The following ABCC4 variants were observed in gnomAD, a reference collection of about 807,000 sequenced individuals.
ABCC4 encodes ATP binding cassette subfamily C member 4 (PEL blood group), also known as ATP-binding cassette sub-family C member 4.
Under a neutral mutation model 168.5 loss-of-function variants are expected in ABCC4, and 102 were observed. The observed-to-expected ratio is 0.61, with a 90% CI of 0.52 to 0.71. The LOEUF (loss-of-function observed/expected upper bound fraction) is 0.71. Ranked by LOEUF, ABCC4 falls within the 30% of genes least tolerant of loss-of-function variation. ABCC4 has a pLI of 0.00. For missense variants in ABCC4, 1,402 were observed against 1,605.8 expected (o/e 0.87, Z 2.17); for synonymous variants, 617 against 590.7 (o/e 1.04, Z -0.65).
intron 25 of ABCC4, among the ~76,000 whole-genome samples, chr13:95,068,228 A>T (rs556892630): frequency 6.6e-6 from 1 of 152,318 alleles, no homozygotes; most frequent in Admixed American, 6.5e-5. Context: ...GAGGAGACGA[A>T]CCCTGAATAT....
intron 21 of ABCC4, among the ~76,000 whole-genome samples, chr13:95,081,244 A>G (rs574889866): frequency 6.6e-6 from 1 of 152,258 alleles, no homozygotes; most frequent in Admixed American, 6.5e-5. Flanking sequence ...ACTGCTTCCC[A>G]AAAAGCCTTC....
chr13:95,168,616 T>G (rs761129608), intron 14 of ABCC4, among the ~76,000 whole-genome samples: 1 of 152,212 alleles, frequency 6.6e-6, no homozygotes, highest in Admixed American at 6.5e-5. Flanking sequence ...ATTAAGAAAT[T>G]GCAGGAGGAG....
intron 11 of ABCC4, among the ~76,000 whole-genome samples, 157 bp downstream of exon 11, chr13:95,186,544 C>CGT: frequency 6.6e-6 from 1 of 152,130 alleles, no homozygotes; most frequent in South Asian, 2.1e-4. Flanking sequence ...AAGGACAGAG[C>CGT]GTGTGTGTGT....
At chr13:95,099,022 T>C (rs1294066931) in intron 20 of ABCC4, among the ~76,000 whole-genome samples, 1 of 152,202 alleles carries the variant, frequency 6.6e-6, no homozygotes, top group Non-Finnish European at 1.5e-5. Context: ...TCCACTCCTA[T>C]GCATTTTATC....
chr13:95,141,948 GT>G (rs2036332807), intron 19 of ABCC4, among the ~76,000 whole-genome samples: 1 of 152,150 alleles, frequency 6.6e-6, no homozygotes, highest in African/African-American at 2.4e-5. Flanking sequence ...CTGGAAACTG[GT>G]TTTCCCTGAA....
intron 18 of ABCC4, chr13:95,161,736 A>T (rs1389806836): frequency 1.3e-5 from 2 of 152,944 alleles, no homozygotes; most frequent in East Asian, 1.9e-4. Flanking sequence ...AACATGTGAT[A>T]TTAACAAGGA....
chr13:95,038,556 C>G (rs572051568), intron 29 of ABCC4, among the ~76,000 whole-genome samples: 9 of 151,790 alleles, frequency 5.9e-5, no homozygotes, highest in African/African-American at 2.2e-4. Context: ...GACTTAGACA[C>G]GTAGAAATGG....
intron 11 of ABCC4, among the ~76,000 whole-genome samples, chr13:95,185,461 G>T (rs1238142621): frequency 6.6e-6 from 1 of 152,136 alleles, no homozygotes; most frequent in Non-Finnish European, 1.5e-5. Context: ...TATCCAAATC[G>T]CCAGCAAATA....
In ABCC4 at chr13:95,225,147, TCTCTCTCACACACA is replaced by T. The variant is rs1399360319; in HGVS notation, c.531+9449_531+9462del. ...CTGTCTGTCTGTCTGTCTGTCTCTC[TCTCTCTCACACACA>T]CACACACACACACACACACACACAC... On this transcript the variant is annotated intron_variant, in intron 4 of 30. Coordinates refer to ENST00000645237, the MANE Select transcript of ABCC4 (RefSeq NM_005845.5). 4.9e-3 allele frequency among the ~76,000 whole-genome samples: 497 copies of T among 100,786 alleles called. 12 individuals carry two copies. The highest frequency in any genetic ancestry group is 9.7e-3 in the African/African-American group (257 of 26,600). The allele number at this position is 100,786 out of a possible 152,430, so 66.1% of individuals were successfully genotyped here. A position where few individuals can be genotyped will look rare whatever the true frequency, so the allele number is the denominator to read the frequency against.
chr13:95,187,423 G>A (rs953746155), intron 10 of ABCC4, among the ~76,000 whole-genome samples: 1 of 151,880 alleles, frequency 6.6e-6, no homozygotes, highest in African/African-American at 2.4e-5. Context: ...TGGCCAACAT[G>A]GTGAAACCCC....
rs1197443446 is a variant in ABCC4 at position 95,164,505 on chromosome 13, G to A, written c.2048C>T (p.Pro683Leu). The change falls in exon 16 of 31, where the codon CCA becomes CTA. Residue 683 changes from proline to leucine, a missense_variant. By Grantham distance (98) the Pro-to-Leu change is moderately conservative. This residue lies in a region of ABCC4 where 1,007 missense variants were observed against 1,127.3 expected (regional missense o/e 0.89). Transcript: ENST00000645237. ...ACGGTTCTCCTCTGATAGTGTAACT[G>A]GGACATTCTCTGTCTGCAGAGGAAA... ...ALESQDTENV[P>L]VTLSEENRSE... 6.2e-7 allele frequency: 1 copy of A among 1,614,086 alleles called. No homozygotes were observed.
In ABCC4 at chr13:95,281,299, CAAAAAAAA is replaced by C. The variant is rs10541756; in HGVS notation, c.74+19934_74+19941del. ...CACTCCTGGGCGACAGAGACTCTCTCAAAAAAAAAAAAAAAAAAAAAAAAAGAGAGAGA... is the reference window on the plus strand; with the variant it reads ...CACTCCTGGGCGACAGAGACTCTCTCAAAAAAAAAAAAAAAAAGAGAGAGA... On this transcript the variant is annotated intron_variant, in intron 1 of 30. Transcript: ENST00000645237. 3.9e-4 allele frequency among the ~76,000 whole-genome samples: 19 copies of C among 48,730 alleles called. No homozygotes were observed. In the East Asian group the frequency reaches 6.4e-3, roughly 16 times the overall value. The allele number at this position is 48,730 out of a possible 152,430, so 32.0% of individuals were successfully genotyped here. A position where few individuals can be genotyped will look rare whatever the true frequency, so the allele number is the denominator to read the frequency against.
chr13:95,287,458 G>C (rs1335173143), intron 1 of ABCC4, among the ~76,000 whole-genome samples: 1 of 151,350 alleles, frequency 6.6e-6, no homozygotes, highest in African/African-American at 2.4e-5. Context: ...ATGGTGGCAG[G>C]CACCTGTAAT....
chr13:95,107,038 C>T (rs2035031302), intron 20 of ABCC4, among the ~76,000 whole-genome samples: 4 of 152,046 alleles, frequency 2.6e-5, no homozygotes, highest in Admixed American at 2.6e-4. Flanking sequence ...GGGTGGACCA[C>T]CTGAGGTCAG....
intron 9 of ABCC4, among the ~76,000 whole-genome samples, chr13:95,190,959 T>C (rs1233918313): frequency 6.6e-6 from 1 of 152,202 alleles, no homozygotes; most frequent in Admixed American, 6.5e-5. Flanking sequence ...TCAAAGGCAA[T>C]GCAGCCTCCT....
At chr13:95,130,749 T>C (rs539497417) in intron 19 of ABCC4, among the ~76,000 whole-genome samples, 9 of 152,252 alleles carry the variant, frequency 5.9e-5, no homozygotes, top group African/African-American at 2.2e-4. Context: ...AAATCTTTGG[T>C]TGCGATGGAG....
intron 30 of ABCC4, among the ~76,000 whole-genome samples, chr13:95,033,464 A>G (rs777364171): frequency 1.3e-5 from 2 of 152,144 alleles, no homozygotes; most frequent in Non-Finnish European, 2.9e-5. Context: ...ACAGGTGACC[A>G]TGTGACATCT....
intron 3 of ABCC4, among the ~76,000 whole-genome samples, chr13:95,240,217 G>T (rs905948974): frequency 6.6e-6 from 1 of 152,236 alleles, no homozygotes; most frequent in African/African-American, 2.4e-5. Flanking sequence ...GGGAATCCGT[G>T]CAGGGCAAAC....
chr13:95,034,644 G>T lies in ABCC4; in HGVS notation c.3831C>A (p.Gly1277=). 6.2e-7 allele frequency: 1 copy of T among 1,614,200 alleles called. No individual in the cohort carries two copies. The highest frequency in any genetic ancestry group is 1.3e-5 in the African/African-American group (1 of 75,056). Residue 1277 remains glycine (G), a synonymous_variant, in exon 30 of 31, where the codon GGC becomes GGA. Transcript: ENST00000645237. The part of the protein sequence containing the change: ...SLFYKMVQQL[G]KAEAAALTET... Reference sequence around the variant, plus strand: ...CAGTGAGGGCAGCGGCTTCTGCCTTGCCCAGTTGTTGCACCATCTTGTAAA... The same window carrying T: ...CAGTGAGGGCAGCGGCTTCTGCCTTTCCCAGTTGTTGCACCATCTTGTAAA...
Sources: gnomAD v4.1 joint callset for allele counts (sites outside exome capture counted in the v4.1 genomes callset) on GRCh38, gnomAD v4.1.1 for gene constraint, gnomAD v4.1.1 regional missense constraint, MANE v1.5 for transcripts, NCBI Gene and HGNC (gene_info 2026-07-23, HGNC 2026-07-21) for gene names.